Variants in ELAPOR2 observed in about 807,000 individuals in gnomAD.
ELAPOR2 encodes the protein endosome/lysosome-associated apoptosis and autophagy regulator family member 2.
In ELAPOR2, 89 loss-of-function variants were observed where a neutral mutation model predicts 120.7. That is an observed-to-expected ratio of 0.74 (90% confidence interval 0.62 to 0.88). ELAPOR2 has a LOEUF of 0.88. ELAPOR2 is among the 40% of genes least tolerant of loss of function. The probability of loss-of-function intolerance (pLI) is 0.00; values close to 1 mark genes in which losing one functional copy is unlikely to be tolerated. For synonymous variants in ELAPOR2, 444 were observed against 444.9 expected (o/e 1.00, Z 0.03); for missense variants, 1,134 against 1,251.6 (o/e 0.91, Z 1.42).
rs932445487 is a variant in ELAPOR2 at position 86,947,858 on chromosome 7, T to G, written c.375A>C (p.Glu125Asp). ...MKNQVCSKCG[E>D]GTYSLGSGIK... ...TGCCACTGCCCAAGGAATAGGTGCC[T>G]TCACCACACTTACTGCATACCTGGT... The change falls in exon 3 of 22, where the codon GAA becomes GAC. Residue 125 changes from glutamate to aspartate, a missense_variant. Transcript: ENST00000450689. The G allele has an allele frequency of 1.1e-5, 17 of 1,552,058 alleles. No individual in the cohort carries two copies. Among genetic ancestry groups the G allele is most frequent in the Non-Finnish European group, 1.4e-5 (16 of 1,147,076 alleles).
chr7:86,947,684 T>C, intron 3 of ELAPOR2, 43 bp downstream of exon 3: 1 of 1,484,884 alleles, frequency 6.7e-7, no homozygotes, highest in Non-Finnish European at 9.1e-7. Flanking sequence ...TACTTTCTTC[T>C]CAAATATTCA....
chr7:87,054,386 T>G (rs574680709), intron 1 of ELAPOR2, among the ~76,000 whole-genome samples: 236 of 152,332 alleles, frequency 1.5e-3, no homozygotes, highest in Middle Eastern at 3.4e-3. Flanking sequence ...TGTGAATACT[T>G]GCTCGCATTT....
chr7:86,926,001 TCCTGCATGTGA>T (rs761755548), intron 9 of ELAPOR2, among the ~76,000 whole-genome samples: 5 of 152,044 alleles, frequency 3.3e-5, no homozygotes, highest in Non-Finnish European at 5.9e-5. Context: ...GTTCAAGTTC[TCCTGCATGTGA>T]CCTTAGAATC....
At chr7:87,009,058 A>T (rs1424881780) in intron 1 of ELAPOR2, among the ~76,000 whole-genome samples, 2 of 152,208 alleles carry the variant, frequency 1.3e-5, no homozygotes, top group African/African-American at 4.8e-5. Context: ...ATTTAAAAAA[A>T]TTAGATCCCT....
chr7:87,039,474 T>C (rs974504959), intron 1 of ELAPOR2, among the ~76,000 whole-genome samples: 1 of 152,176 alleles, frequency 6.6e-6, no homozygotes, highest in Non-Finnish European at 1.5e-5. Flanking sequence ...TACAGGCCAA[T>C]ATCTCTGACG....
intron 1 of ELAPOR2, among the ~76,000 whole-genome samples, chr7:86,972,138 A>G (rs1260202067): frequency 6.6e-6 from 1 of 152,040 alleles, no homozygotes; most frequent in East Asian, 1.9e-4. Flanking sequence ...CCACCACCCC[A>G]CAAGCCCACT....
chr7:87,052,587 T>C lies in ELAPOR2; in HGVS notation c.189+6738A>G, dbSNP rs553312656. On this transcript the variant is annotated intron_variant, in intron 1 of 21. Transcript: ENST00000450689. ...GTTGTGCACAGGAACCAAGCACTTA[T>C]ATTTCTAACAACTTCCTAACTAATG... Among the ~76,000 whole-genome samples the C allele has an allele frequency of 3.9e-5, 6 of 152,330 alleles. No individual in the cohort carries two copies. In the South Asian group the frequency reaches 8.3e-4, roughly 21 times the overall value.
intron 1 of ELAPOR2, among the ~76,000 whole-genome samples, chr7:86,999,227 C>T (rs922368728): frequency 3.3e-5 from 5 of 152,122 alleles, no homozygotes; most frequent in Admixed American, 1.3e-4. Context: ...TAACATCAAA[C>T]ATGTAATCCA....
chr7:86,894,892 C>G (rs1261260511), intron 19 of ELAPOR2, among the ~76,000 whole-genome samples: 3 of 152,036 alleles, frequency 2.0e-5, no homozygotes, highest in Non-Finnish European at 4.4e-5. Context: ...ACACTTAGAA[C>G]CCAGTATAGA....
intron 1 of ELAPOR2, among the ~76,000 whole-genome samples, chr7:87,028,685 C>T (rs1206410253): frequency 6.6e-6 from 1 of 152,144 alleles, no homozygotes; most frequent in African/African-American, 2.4e-5. Flanking sequence ...CTATTTCCCA[C>T]ATAGCAGCTA....
chr7:86,999,871 A>C (rs1337143097), intron 1 of ELAPOR2, among the ~76,000 whole-genome samples: 1 of 152,308 alleles, frequency 6.6e-6, no homozygotes, highest in East Asian at 1.9e-4. Flanking sequence ...CATACACATG[A>C]GATGATTCTC....
In ELAPOR2 at chr7:86,914,867, T is replaced by C. The variant is rs754583848; in HGVS notation, c.1594-7A>G. On this transcript the variant is annotated splice_polypyrimidine_tract_variant and splice_region_variant and intron_variant, in intron 12 of 21. Transcript: ENST00000450689. ...TACTTTTTCTATTAATATCCTGAAA[T>C]ATAGTGGAAAAACTATATTCAAATA... 3 of 1,602,054 alleles carry C rather than the reference T, an allele frequency of 1.9e-6. No individual in the cohort carries two copies.
intron 21 of ELAPOR2, among the ~76,000 whole-genome samples, chr7:86,889,112 T>C (rs183683430): frequency 1.3e-5 from 2 of 152,178 alleles, no homozygotes; most frequent in Admixed American, 6.6e-5. Flanking sequence ...AGTAATCAAT[T>C]ACACCACCTC....
intron 21 of ELAPOR2, among the ~76,000 whole-genome samples, chr7:86,883,200 T>G (rs543671865): frequency 6.6e-6 from 1 of 152,102 alleles, no homozygotes; most frequent in Non-Finnish European, 1.5e-5. Flanking sequence ...AAGAAACACA[T>G]AAAAATTGAT....
chr7:86,980,470 G>A (rs1169449358), intron 1 of ELAPOR2, among the ~76,000 whole-genome samples: 2 of 152,114 alleles, frequency 1.3e-5, no homozygotes, highest in East Asian at 1.9e-4. Flanking sequence ...AGTCTTTACG[G>A]ACACCTTCCC....
chr7:87,047,724 G>A (rs1182730642), intron 1 of ELAPOR2, among the ~76,000 whole-genome samples: 1 of 152,178 alleles, frequency 6.6e-6, no homozygotes, highest in East Asian at 1.9e-4. Flanking sequence ...CTGTTGATGG[G>A]AATGTAAATT....
chr7:87,013,352 A>G (rs1004227153), intron 1 of ELAPOR2, among the ~76,000 whole-genome samples: 37 of 152,204 alleles, frequency 2.4e-4, no homozygotes, highest in African/African-American at 8.9e-4. Flanking sequence ...TGTCATAAAG[A>G]CAATGTATTC....
At chr7:86,952,673 C>G (rs569356618) in intron 2 of ELAPOR2, among the ~76,000 whole-genome samples, 1 of 152,268 alleles carries the variant, frequency 6.6e-6, no homozygotes, top group South Asian at 2.1e-4. Context: ...AGTCTAATGA[C>G]TTTGCCTATA....
intron 2 of ELAPOR2, among the ~76,000 whole-genome samples, chr7:86,961,006 T>C (rs1035436094): frequency 2.6e-5 from 4 of 152,168 alleles, no homozygotes; most frequent in Non-Finnish European, 4.4e-5. Context: ...TGCATAAATA[T>C]ATAAAAGTCA....
Sources: gnomAD v4.1 joint callset for allele counts (sites outside exome capture counted in the v4.1 genomes callset) on GRCh38, gnomAD v4.1.1 for gene constraint, MANE v1.5 for transcripts, NCBI Gene and HGNC (gene_info 2026-07-23, HGNC 2026-07-21) for gene names.